Variants in RABGEF1 observed in about 807,000 individuals in gnomAD.
RABGEF1 encodes RAB guanine nucleotide exchange factor 1, also known as rab5 GDP/GTP exchange factor.
A neutral mutation model predicts 57.3 loss-of-function variants in RABGEF1; 26 were observed. The observed-to-expected ratio is 0.45, with a 90% CI of 0.33 to 0.63. The LOEUF (loss-of-function observed/expected upper bound fraction) is 0.63. Among genes scored for constraint, RABGEF1 ranks in the 20% least tolerant of loss-of-function variants. The pLI, the probability that RABGEF1 is intolerant of heterozygous loss-of-function variation, is 0.02. For missense variants in RABGEF1, 464 were observed against 607.6 expected (o/e 0.76, Z 2.48); for synonymous variants, 185 against 210.7 (o/e 0.88, Z 1.06).
intron 2 of RABGEF1, chr7:66,773,708 C>G (rs531368682): frequency 2.2e-6 from 1 of 454,020 alleles, no homozygotes; most frequent in East Asian, 7.0e-5. Flanking sequence ...CTCTGTTACC[C>G]TGGCTGGAGT....
chr7:66,768,264 A>G (rs1436621418), intron 1 of RABGEF1, among the ~76,000 whole-genome samples: 4 of 152,194 alleles, frequency 2.6e-5, no homozygotes, highest in East Asian at 1.9e-4. Context: ...TGTTCAATAT[A>G]CAAACATCCT....
intron 3 of RABGEF1, among the ~76,000 whole-genome samples, chr7:66,781,431 A>T (rs1344947474): frequency 6.6e-6 from 1 of 152,180 alleles, no homozygotes; most frequent in Non-Finnish European, 1.5e-5. Flanking sequence ...TTACATAGGT[A>T]TATACGTGCC....
intron 1 of RABGEF1, chr7:66,770,437 G>C (rs920145915): frequency 6.6e-6 from 1 of 152,122 alleles, no homozygotes; most frequent in African/African-American, 2.4e-5. Flanking sequence ...ATATTATACA[G>C]TAGAAAAGAA....
intron 4 of RABGEF1, among the ~76,000 whole-genome samples, chr7:66,790,149 TGC>T (rs1332509002): frequency 1.3e-5 from 2 of 152,322 alleles, no homozygotes; most frequent in Non-Finnish European, 2.9e-5. Context: ...CGTTAGAGGT[TGC>T]AGATGTTTTG....
intron 1 of RABGEF1, among the ~76,000 whole-genome samples, chr7:66,768,128 AG>A (rs1450537975): frequency 6.6e-6 from 1 of 152,238 alleles, no homozygotes; most frequent in Non-Finnish European, 1.5e-5. Flanking sequence ...GGAAATACCC[AG>A]GAGAGGGATT....
At chr7:66,759,859 A>C (rs1803817570) in intron 1 of RABGEF1, among the ~76,000 whole-genome samples, 1 of 152,248 alleles carries the variant, frequency 6.6e-6, no homozygotes, top group Non-Finnish European at 1.5e-5. Flanking sequence ...GTGGGGACAC[A>C]GTTCCAAACC....
At chr7:66,782,464 A>G (rs907111772) in intron 3 of RABGEF1, among the ~76,000 whole-genome samples, 1 of 136,864 alleles carries the variant, frequency 7.3e-6, no homozygotes, top group Non-Finnish European at 1.6e-5. Flanking sequence ...TACATACCTT[A>G]CTTTTTTTTT....
At chr7:66,737,088 G>A (rs1266768855), upstream of RABGEF1, among the ~76,000 whole-genome samples, 8 of 131,866 alleles carry the variant, frequency 6.1e-5, no homozygotes, top group Non-Finnish European at 9.8e-5. Context: ...GAGAGAGAGC[G>A]AGAGCGAGAG....
intron 1 of RABGEF1, among the ~76,000 whole-genome samples, chr7:66,695,475 C>T (rs1792183192): frequency 6.6e-6 from 1 of 152,124 alleles, no homozygotes; most frequent in Non-Finnish European, 1.5e-5. Context: ...GTGGCTTGGC[C>T]CACATGTCAG....
chr7:66,685,811 C>T (rs1324059234), intron 1 of RABGEF1, among the ~76,000 whole-genome samples: 1 of 152,192 alleles, frequency 6.6e-6, no homozygotes, highest in Admixed American at 6.5e-5. Flanking sequence ...CATAGAATTT[C>T]AGTCTTGACT....
At chr7:66,734,774 T>C (rs559628365) in intron 2 of RABGEF1, among the ~76,000 whole-genome samples, 1 of 152,036 alleles carries the variant, frequency 6.6e-6, no homozygotes, top group South Asian at 2.1e-4. Context: ...GTGCATGATA[T>C]TGTTGTCATT....
the RABGEF1 span, among the ~76,000 whole-genome samples, chr7:66,671,882 G>T: frequency 6.7e-6 from 1 of 150,288 alleles, no homozygotes; most frequent in Admixed American, 6.7e-5. Context: ...AGTGGCATGA[G>T]CACAACTCAC....
At chr7:66,705,466 A>C (rs1196569267) in intron 1 of RABGEF1, among the ~76,000 whole-genome samples, 1 of 138,824 alleles carries the variant, frequency 7.2e-6, no homozygotes, top group Non-Finnish European at 1.6e-5. Context: ...AGAGAGAGAG[A>C]GAGAGAGAGA....
At chr7:66,742,285 C>T (rs1284168274) in intron 1 of RABGEF1, among the ~76,000 whole-genome samples, 2 of 152,066 alleles carry the variant, frequency 1.3e-5, no homozygotes, top group Non-Finnish European at 2.9e-5. Context: ...GATTCATATC[C>T]GCAGGATTAA....
intron 2 of RABGEF1, among the ~76,000 whole-genome samples, chr7:66,728,760 C>T (rs112851725): frequency 8.5e-6 from 1 of 117,982 alleles, no homozygotes; most frequent in South Asian, 3.1e-4. Context: ...CGACCCTCAC[C>T]GCCATCCTCA....
chr7:66,711,847 G>C (rs1256370445), intron 1 of RABGEF1, among the ~76,000 whole-genome samples: 10 of 152,010 alleles, frequency 6.6e-5, no homozygotes, highest in Non-Finnish European at 4.4e-5. Context: ...CGGCCTCCCA[G>C]AGTGCTGGGA....
chr7:66,720,676 A>T (rs964569377), intron 2 of RABGEF1, among the ~76,000 whole-genome samples: 2 of 152,152 alleles, frequency 1.3e-5, no homozygotes, highest in African/African-American at 4.8e-5. Context: ...TGCATTTAGC[A>T]TAGTACTAGA....
At chr7:66,746,499 C>G (rs1800254858) in intron 1 of RABGEF1, among the ~76,000 whole-genome samples, 1 of 151,820 alleles carries the variant, frequency 6.6e-6, no homozygotes, top group African/African-American at 2.4e-5. Flanking sequence ...CCATATTGGC[C>G]AGGCTGATCT....
chr7:66,793,549 T>C (rs1242442016), intron 4 of RABGEF1, among the ~76,000 whole-genome samples: 1 of 152,236 alleles, frequency 6.6e-6, no homozygotes, highest in African/African-American at 2.4e-5. Flanking sequence ...TAGTTTCTTC[T>C]AAGTTAAGTG....
Sources: gnomAD v4.1 joint callset for allele counts (sites outside exome capture counted in the v4.1 genomes callset) on GRCh38, gnomAD v4.1.1 for gene constraint, MANE v1.5 for transcripts, NCBI Gene and HGNC (gene_info 2026-07-23, HGNC 2026-07-21) for gene names.